The following SFI1 variants were observed in gnomAD, a reference collection of about 807,000 sequenced individuals.
SFI1 encodes the protein protein SFI1 homolog.
A neutral mutation model predicts 207.5 loss-of-function variants in SFI1; 195 were observed. That is an observed-to-expected ratio of 0.94 (90% CI 0.84 to 1.06). The LOEUF is 1.06. Ranked by LOEUF, SFI1 falls within the 50% of genes least tolerant of loss-of-function variation. The probability of loss-of-function intolerance (pLI) is 0.00; values close to 1 mark genes in which losing one functional copy is unlikely to be tolerated. For missense variants in SFI1, 1,634 were observed against 1,588.0 expected, an observed-to-expected ratio of 1.03 and a Z score of -0.49; for synonymous variants, 630 against 598.9, an observed-to-expected ratio of 1.05 and a Z score of -0.76.
At chr22:31,578,148 A>G (rs2063720148) in intron 10 of SFI1, 1 of 341,292 alleles carries the variant, frequency 2.9e-6, no homozygotes, top group Admixed American at 4.7e-5. Context: ...TTTGCGTCTC[A>G]TCTCATGGGC....
At position 31,570,406 on chromosome 22, in the gene SFI1, G is replaced by C. The variant is rs541031491; in HGVS notation, c.766-2652G>C. Among the ~76,000 whole-genome samples the C allele has an allele frequency of 2.1e-4, 32 of 152,318 alleles. 1 individual carries two copies. In the South Asian group the frequency reaches 5.0e-3, roughly 24 times the overall value. ...TGAAATAGGAAAGACTGCAGGAGAA[G>C]CAGGTTTGTGGGAAGAGATTAGGAG... On this transcript the variant is annotated intron_variant, in intron 8 of 32. Transcript: ENST00000400288.
intron 16 of SFI1, among the ~76,000 whole-genome samples, 153 bp from the exon 17 acceptor site, chr22:31,602,454 A>G (rs972030417): frequency 6.6e-6 from 1 of 152,062 alleles, no homozygotes; most frequent in Non-Finnish European, 1.5e-5. Context: ...GTCCTTTCTC[A>G]GTGGAGCCTA....
chr22:31,585,204 C>A, intron 14 of SFI1, 70 bp downstream of exon 14: 1 of 1,352,082 alleles, frequency 7.4e-7, no homozygotes, highest in Non-Finnish European at 1.1e-6. Flanking sequence ...TGGAAAGATT[C>A]TTGGAAAAGA....
intron 17 of SFI1, 61 bp downstream of exon 17, chr22:31,602,846 C>T: frequency 6.4e-7 from 1 of 1,557,320 alleles, no homozygotes; most frequent in Non-Finnish European, 8.7e-7. Context: ...CTTGTTCTAG[C>T]AGCACCATGA....
intron 2 of SFI1, among the ~76,000 whole-genome samples, chr22:31,511,121 G>A (rs188241512): frequency 2.7e-4 from 41 of 152,232 alleles, no homozygotes; most frequent in Middle Eastern, 3.4e-3. Context: ...CTATTCAGCA[G>A]GTATTATGGA....
At chr22:31,553,867 T>TTTTTTTC (rs1293077499) in intron 6 of SFI1, among the ~76,000 whole-genome samples, 1 of 116,198 alleles carries the variant, frequency 8.6e-6, no homozygotes, top group Non-Finnish European at 1.7e-5. Context: ...TTTTTTTTTT[T>TTTTTTTC]TGCGAGAGTC....
At chr22:31,522,294 C>T (rs2057374498) in intron 2 of SFI1, among the ~76,000 whole-genome samples, 1 of 150,598 alleles carries the variant, frequency 6.6e-6, no homozygotes, top group South Asian at 2.1e-4. Flanking sequence ...TCTCGAACTC[C>T]TGATCCACCT....
At chr22:31,505,086 A>G (rs907421050) in intron 1 of SFI1, among the ~76,000 whole-genome samples, 2 of 152,188 alleles carry the variant, frequency 1.3e-5, no homozygotes, top group African/African-American at 4.8e-5. Flanking sequence ...TTAAAAAACT[A>G]TGCCATAATT....
At chr22:31,594,009 GGAGA>G (rs1188036815) in intron 15 of SFI1, among the ~76,000 whole-genome samples, 73 of 136,574 alleles carry the variant, frequency 5.3e-4, no homozygotes, top group Non-Finnish European at 7.6e-4. Context: ...AGAGGGACAG[GGAGA>G]GGGAGAGGGA....
chr22:31,555,859 G>A (rs769670447), intron 6 of SFI1, among the ~76,000 whole-genome samples: 4 of 152,142 alleles, frequency 2.6e-5, no homozygotes, highest in Non-Finnish European at 5.9e-5. Flanking sequence ...ATTCTCCTTC[G>A]TATGTTGATT....
chr22:31,543,420 A>T (rs2059764947), intron 4 of SFI1, among the ~76,000 whole-genome samples: 1 of 152,234 alleles, frequency 6.6e-6, no homozygotes, highest in Non-Finnish European at 1.5e-5. Context: ...TCCTCTTTTG[A>T]TGGGTATTTG....
chr22:31,611,118 A>C (rs753033477), intron 22 of SFI1, 25 bp from the exon 23 acceptor site: 2 of 1,614,160 alleles, frequency 1.2e-6, no homozygotes, highest in Non-Finnish European at 1.7e-6. Context: ...ACAAAACAGC[A>C]AACTCTGACT....
chr22:31,592,778 C>G (rs1424484695), intron 15 of SFI1, among the ~76,000 whole-genome samples: 1 of 129,056 alleles, frequency 7.7e-6, no homozygotes, highest in Non-Finnish European at 1.7e-5. Flanking sequence ...CCCCTCACCT[C>G]CCAGACGGGG....
In SFI1 at chr22:31,572,936, C is replaced by T; in HGVS notation, c.766-122C>T. ...GCTTATCATCCTGCTAGGGGATTGC[C>T]ACTTCCTTGTTTCTAATTTCAGCCT... On this transcript the variant is annotated intron_variant, in intron 8 of 32. Coordinates refer to ENST00000400288, the MANE Select transcript of SFI1 (RefSeq NM_001007467.3). The T allele has an allele frequency of 3.1e-6, 3 of 969,778 alleles. No individual in the cohort carries two copies. The South Asian group carries it at 5.0e-5, about 16-fold the overall frequency. The allele number at this position is 969,778 out of a possible 1,614,324, so 60.1% of individuals were successfully genotyped here.
At chr22:31,564,866 T>C (rs1204385190) in intron 8 of SFI1, among the ~76,000 whole-genome samples, 1 of 133,272 alleles carries the variant, frequency 7.5e-6, no homozygotes, top group Non-Finnish European at 1.5e-5. Context: ...CAGGCTGGAG[T>C]GCAGTATCGC....
At chr22:31,604,827 T>C (rs1351213838) in intron 19 of SFI1, 42 bp from the exon 20 acceptor site, 2 of 1,573,628 alleles carry the variant, frequency 1.3e-6, no homozygotes, top group Non-Finnish European at 1.7e-6. Context: ...CAGGGGGAAG[T>C]GTGGGCCCAA....
intron 12 of SFI1, among the ~76,000 whole-genome samples, chr22:31,581,983 G>A (rs2064239843): frequency 6.6e-6 from 1 of 151,302 alleles, no homozygotes; most frequent in South Asian, 2.1e-4. Context: ...AAGTAACAGT[G>A]ATTCCCTAAC....
At chr22:31,499,467 T>TG (rs548970180) in intron 1 of SFI1, among the ~76,000 whole-genome samples, 11 of 152,056 alleles carry the variant, frequency 7.2e-5, no homozygotes, top group Non-Finnish European at 1.5e-4. Flanking sequence ...TCACCGTGCC[T>TG]GGTGAAAGTG....
At chr22:31,589,832 T>A (rs2065597986) in intron 15 of SFI1, among the ~76,000 whole-genome samples, 1 of 151,982 alleles carries the variant, frequency 6.6e-6, no homozygotes, top group South Asian at 2.1e-4. Flanking sequence ...TTAAAAAAAA[T>A]GTGTAGTGTT....
Sources: allele counts gnomAD v4.1 joint callset (sites outside exome capture counted in the v4.1 genomes callset), GRCh38; gene constraint gnomAD v4.1.1; transcripts MANE v1.5; gene names NCBI Gene and HGNC (gene_info 2026-07-23, HGNC 2026-07-21).